The following DLG2 variants were observed in gnomAD, a reference collection of about 807,000 sequenced individuals.
DLG2 encodes disks large homolog 2.
Under a neutral mutation model 132.5 loss-of-function variants are expected in DLG2, and 45 were observed. The observed-to-expected ratio is 0.34, with a 90% CI of 0.27 to 0.44. DLG2 has a LOEUF of 0.44. DLG2 is among the 20% of genes least tolerant of loss of function. DLG2 has a pLI of 1.00. For missense variants in DLG2, 1,045 were observed against 1,196.9 expected (o/e 0.87, Z 1.87); for synonymous variants, 424 against 419.6 (o/e 1.01, Z -0.13).
At chr11:84,111,386 G>A (rs117804854) in intron 9 of DLG2, among the ~76,000 whole-genome samples, 3,577 of 152,192 alleles carry the variant, frequency 0.024, 56 homozygotes, top group Non-Finnish European at 0.037. Flanking sequence ...CATTCATAAC[G>A]TGAGAGAGAC....
chr11:84,324,416 C>G (rs919520972), intron 7 of DLG2, among the ~76,000 whole-genome samples: 4 of 151,828 alleles, frequency 2.6e-5, no homozygotes, highest in Non-Finnish European at 5.9e-5. Flanking sequence ...TTTGTATGTC[C>G]AGCTTAGTGC....
At chr11:84,218,681 A>G (rs906408660) in intron 8 of DLG2, among the ~76,000 whole-genome samples, 18 of 152,240 alleles carry the variant, frequency 1.2e-4, no homozygotes, top group African/African-American at 4.3e-4. Flanking sequence ...CTCAGTGATC[A>G]GGAATACATA....
chr11:83,619,218 G>A (rs776509499), intron 19 of DLG2, among the ~76,000 whole-genome samples: 1 of 152,136 alleles, frequency 6.6e-6, no homozygotes, highest in Non-Finnish European at 1.5e-5. Flanking sequence ...ATAACTTCAT[G>A]TCAAAGATCT....
intron 6 of DLG2, among the ~76,000 whole-genome samples, chr11:84,817,727 A>G (rs144063082): frequency 3.7e-4 from 57 of 152,108 alleles, no homozygotes; most frequent in African/African-American, 1.3e-3. Context: ...ATGGGTGAAG[A>G]CGATTACTTT....
chr11:84,742,568 A>G (rs2153824988), intron 6 of DLG2, among the ~76,000 whole-genome samples: 1 of 152,324 alleles, frequency 6.6e-6, no homozygotes, highest in East Asian at 1.9e-4. Flanking sequence ...CTCTGTCCCC[A>G]CAAATGCATA....
At chr11:85,468,073 T>C (rs1203504805) in intron 3 of DLG2, among the ~76,000 whole-genome samples, 2 of 152,244 alleles carry the variant, frequency 1.3e-5, no homozygotes, top group Non-Finnish European at 2.9e-5. Context: ...AGCCATTTCT[T>C]CTAGATTTTC....
Position 84,534,707 on chromosome 11 carries a change from C to A in DLG2, c.382G>T (p.Ala128Ser). The A allele has an allele frequency of 1.9e-6, 3 of 1,613,826 alleles. No individual in the cohort carries two copies. Among genetic ancestry groups the A allele is most frequent in the African/African-American group, 1.3e-5 (1 of 74,978 alleles). The change falls in exon 7 of 28, where the codon GCT (alanine) becomes TCT (serine). Residue 128 changes from alanine to serine, a missense_variant. Transcript: ENST00000376104. ...CGAGGTAAGGAATGATCATGTGGAGCGTCCTCATCTTGATATCGATACTTC... is the reference window on the plus strand; with the variant it reads ...CGAGGTAAGGAATGATCATGTGGAGAGTCCTCATCTTGATATCGATACTTC... The part of the protein sequence containing the change: ...CTKYRYQDED[A>S]PHDHSLPRLT...
chr11:84,830,956 C>CCG (rs2078965626), intron 6 of DLG2, among the ~76,000 whole-genome samples: 1 of 63,126 alleles, frequency 1.6e-5, no homozygotes. Flanking sequence ...TCTCCTCCCC[C>CCG]CACCCCCCCC....
intron 8 of DLG2, 32 bp from the exon 9 acceptor site, chr11:84,163,543 A>G (rs376331404): frequency 6.4e-6 from 10 of 1,554,420 alleles, no homozygotes; most frequent in Non-Finnish European, 8.8e-6. Flanking sequence ...GAAGAGAACT[A>G]TTAAATACAT....
At chr11:84,923,271 G>A in intron 6 of DLG2, 1 of 1,488,664 alleles carries the variant, frequency 6.7e-7, no homozygotes, top group Non-Finnish European at 8.9e-7. Flanking sequence ...ACTACAAAAC[G>A]ACATGTCTTG....
chr11:84,603,572 T>C (rs560395955), intron 6 of DLG2, among the ~76,000 whole-genome samples: 40 of 152,052 alleles, frequency 2.6e-4, no homozygotes, highest in African/African-American at 9.4e-4. Flanking sequence ...GGGTCAACAA[T>C]AGGTTCAAAA....
chr11:83,571,757 A>G (rs529562734), intron 19 of DLG2, among the ~76,000 whole-genome samples: 1 of 152,326 alleles, frequency 6.6e-6, no homozygotes, highest in South Asian at 2.1e-4. Context: ...AAAGCTGATT[A>G]TAGTCAGAAA....
intron 10 of DLG2, among the ~76,000 whole-genome samples, chr11:84,061,810 T>C (rs1360744427): frequency 6.8e-6 from 1 of 148,104 alleles, no homozygotes; most frequent in Admixed American, 6.9e-5. Flanking sequence ...ACAGATGCTA[T>C]GGCTTTAATA....
At chr11:83,682,023 A>T (rs2078914402) in intron 18 of DLG2, 1 of 536,616 alleles carries the variant, frequency 1.9e-6, no homozygotes, top group Non-Finnish European at 2.4e-6. Context: ...TTTGCTCGTT[A>T]AAAGGAAATT....
chr11:84,953,092 A>G (rs1287724570), intron 6 of DLG2, among the ~76,000 whole-genome samples: 2 of 152,126 alleles, frequency 1.3e-5, no homozygotes, highest in African/African-American at 2.4e-5. Flanking sequence ...TAATATCACA[A>G]TTATCATCCT....
At chr11:84,538,184 T>C (rs2099359956) in intron 6 of DLG2, among the ~76,000 whole-genome samples, 1 of 152,176 alleles carries the variant, frequency 6.6e-6, no homozygotes. Context: ...CTGCAGCTTC[T>C]CAGTTTGAAA....
At chr11:84,541,198 A>G (rs1156941016) in intron 6 of DLG2, among the ~76,000 whole-genome samples, 1 of 145,544 alleles carries the variant, frequency 6.9e-6, no homozygotes, top group African/African-American at 2.8e-5. Flanking sequence ...TATAATAATA[A>G]TAATAATAAT....
intron 3 of DLG2, among the ~76,000 whole-genome samples, chr11:85,371,330 C>T (rs1379216861): frequency 6.6e-6 from 1 of 152,114 alleles, no homozygotes; most frequent in Non-Finnish European, 1.5e-5. Context: ...GTCAAGGAAA[C>T]TTATTTTGGA....
At chr11:83,621,637 T>C (rs2061652869) in intron 19 of DLG2, among the ~76,000 whole-genome samples, 1 of 152,102 alleles carries the variant, frequency 6.6e-6, no homozygotes, top group Admixed American at 6.5e-5. Context: ...AAAATGTTTC[T>C]ACATATCATA....
Sources: allele counts gnomAD v4.1 joint callset (sites outside exome capture counted in the v4.1 genomes callset), GRCh38; gene constraint gnomAD v4.1.1; transcripts MANE v1.5; gene names NCBI Gene and HGNC (gene_info 2026-07-23, HGNC 2026-07-21).